CMTM8: variants seen among roughly 807,000 people sequenced by gnomAD.
CMTM8 encodes CKLF-like MARVEL transmembrane domain-containing protein 8.
CMTM8 carries 12 observed loss-of-function variants against 18.6 expected under a neutral mutation model. The observed-to-expected ratio is 0.65, with a 90% confidence interval of 0.41 to 1.05. The LOEUF is 1.05. CMTM8 is among the 50% of genes least tolerant of loss of function. The probability of loss-of-function intolerance (pLI) is 0.00; values close to 1 mark genes in which losing one functional copy is unlikely to be tolerated. For missense variants in CMTM8, 217 were observed against 227.2 expected (o/e 0.95, Z 0.29); for synonymous variants, 87 against 90.6 (o/e 0.96, Z 0.23).
At chr3:32,306,062 A>G (rs1695709390) in intron 1 of CMTM8, among the ~76,000 whole-genome samples, 1 of 152,204 alleles carries the variant, frequency 6.6e-6, no homozygotes, top group Non-Finnish European at 1.5e-5. Context: ...AAACTTAGTG[A>G]CTTAAAACAA....
intron 1 of CMTM8, among the ~76,000 whole-genome samples, chr3:32,244,250 C>G (rs973425168): frequency 7.2e-5 from 11 of 152,188 alleles, no homozygotes; most frequent in Non-Finnish European, 1.2e-4. Flanking sequence ...AGTGCAGTGG[C>G]ACAATCATAG....
chr3:32,337,431 A>C (rs779571452), intron 1 of CMTM8, among the ~76,000 whole-genome samples: 49 of 152,306 alleles, frequency 3.2e-4, no homozygotes, highest in South Asian at 1.4e-3. Context: ...AGTGTTCTTG[A>C]AGACTCTAAG....
At chr3:32,266,990 A>G (rs1575152258) in intron 1 of CMTM8, among the ~76,000 whole-genome samples, 1 of 152,238 alleles carries the variant, frequency 6.6e-6, no homozygotes, top group East Asian at 1.9e-4. Flanking sequence ...GCTCATGGAT[A>G]GGAAGAATCA....
intron 1 of CMTM8, among the ~76,000 whole-genome samples, chr3:32,247,741 G>A (rs1029790959): frequency 1.3e-5 from 2 of 152,188 alleles, no homozygotes; most frequent in Non-Finnish European, 2.9e-5. Context: ...GATTATAGGC[G>A]TGAGCCACCA....
At chr3:32,248,537 T>C (rs1351780014) in intron 1 of CMTM8, among the ~76,000 whole-genome samples, 1 of 152,132 alleles carries the variant, frequency 6.6e-6, no homozygotes, top group East Asian at 1.9e-4. Context: ...AATTTTTGTG[T>C]TGTTTTAGTA....
chr3:32,243,287 T>C lies in CMTM8; in HGVS notation c.147+4168T>C, dbSNP rs893289625. Reference sequence around the variant, plus strand: ...GGTTCACACCTGCAGTCCCAGCACTTTGGGAGGCTGAGGCCAGCAGATTGC... The same window carrying C: ...GGTTCACACCTGCAGTCCCAGCACTCTGGGAGGCTGAGGCCAGCAGATTGC... On this transcript the variant is annotated intron_variant, in intron 1 of 3. Coordinates refer to ENST00000307526, the MANE Select transcript of CMTM8 (RefSeq NM_178868.5). 2.6e-5 allele frequency among the ~76,000 whole-genome samples: 4 copies of C among 151,716 alleles called. No homozygotes were observed. In the South Asian group the frequency reaches 6.3e-4, roughly 24 times the overall value.
chr3:32,338,301 C>T (rs1454523677), intron 1 of CMTM8, among the ~76,000 whole-genome samples: 1 of 152,054 alleles, frequency 6.6e-6, no homozygotes, highest in Non-Finnish European at 1.5e-5. Context: ...ACAGTAAAAG[C>T]ATGCCAACCT....
At chr3:32,246,860 G>A (rs1257138842) in intron 1 of CMTM8, among the ~76,000 whole-genome samples, 5 of 152,156 alleles carry the variant, frequency 3.3e-5, no homozygotes, top group Admixed American at 6.5e-5. Context: ...CCAGCACTTT[G>A]GGAGGCTGAG....
chr3:32,300,490 G>T (rs1695592252), intron 1 of CMTM8, among the ~76,000 whole-genome samples: 1 of 152,066 alleles, frequency 6.6e-6, no homozygotes, highest in South Asian at 2.1e-4. Flanking sequence ...GCCTTTTTGG[G>T]GGAAAGGGGG....
intron 1 of CMTM8, among the ~76,000 whole-genome samples, chr3:32,321,760 G>T (rs1363609177): frequency 6.6e-6 from 1 of 152,096 alleles, no homozygotes; most frequent in Non-Finnish European, 1.5e-5. Context: ...ACCACACCTG[G>T]TAATTTTTTT....
chr3:32,314,774 G>C (rs1468157516), intron 1 of CMTM8, among the ~76,000 whole-genome samples: 1 of 152,120 alleles, frequency 6.6e-6, no homozygotes, highest in Non-Finnish European at 1.5e-5. Context: ...TCCACGCCAG[G>C]GCTAGAAATG....
At chr3:32,255,132 A>G (rs1243945500) in intron 1 of CMTM8, among the ~76,000 whole-genome samples, 2 of 152,006 alleles carry the variant, frequency 1.3e-5, no homozygotes, top group African/African-American at 2.4e-5. Context: ...CTAATAGTCC[A>G]TTGTGTAGAA....
chr3:32,363,694 A>G (rs549019472), intron 2 of CMTM8, among the ~76,000 whole-genome samples: 7 of 152,244 alleles, frequency 4.6e-5, no homozygotes, highest in African/African-American at 1.7e-4. Flanking sequence ...GTTGCTTATC[A>G]TATCTTCCTT....
intron 1 of CMTM8, among the ~76,000 whole-genome samples, chr3:32,283,858 G>A (rs1559369498): frequency 1.3e-5 from 2 of 152,174 alleles, no homozygotes; most frequent in South Asian, 4.1e-4. Flanking sequence ...AGATGACTGT[G>A]GTATCTTTTC....
At chr3:32,345,075 C>T (rs1696568262) in intron 1 of CMTM8, among the ~76,000 whole-genome samples, 1 of 152,128 alleles carries the variant, frequency 6.6e-6, no homozygotes, top group South Asian at 2.1e-4. Flanking sequence ...CATGGTGGCT[C>T]ACGCCTGTAA....
At chr3:32,290,539 T>G (rs567404641) in intron 1 of CMTM8, among the ~76,000 whole-genome samples, 4 of 152,346 alleles carry the variant, frequency 2.6e-5, no homozygotes, top group Admixed American at 6.5e-5. Flanking sequence ...CAAGGCCAGC[T>G]TTGGAGGACT....
At chr3:32,333,099 A>C (rs1263676225) in intron 1 of CMTM8, among the ~76,000 whole-genome samples, 1 of 152,242 alleles carries the variant, frequency 6.6e-6, no homozygotes, top group Non-Finnish European at 1.5e-5. Flanking sequence ...ACTCTGTTGC[A>C]ACTACTCCAC....
chr3:32,275,284 C>G (rs1005130080), intron 1 of CMTM8, among the ~76,000 whole-genome samples: 2 of 151,960 alleles, frequency 1.3e-5, no homozygotes, highest in Admixed American at 1.3e-4. Context: ...CAAAGTGCTG[C>G]TTTTCTGCAA....
intron 1 of CMTM8, among the ~76,000 whole-genome samples, chr3:32,263,822 A>G (rs989819872): frequency 6.6e-6 from 1 of 152,232 alleles, no homozygotes; most frequent in African/African-American, 2.4e-5. Context: ...TCAGTAGCCA[A>G]TTCGATCAAC....
Sources: allele counts gnomAD v4.1 joint callset (sites outside exome capture counted in the v4.1 genomes callset), GRCh38; gene constraint gnomAD v4.1.1; transcripts MANE v1.5; gene names NCBI Gene and HGNC (gene_info 2026-07-23, HGNC 2026-07-21).